The following KIAA0319 variants were observed in gnomAD, a reference collection of about 807,000 sequenced individuals.
KIAA0319 encodes the protein KIAA0319.
Under a neutral mutation model 108.4 loss-of-function variants are expected in KIAA0319, and 83 were observed. The observed-to-expected ratio is 0.77, with a 90% CI of 0.64 to 0.92. KIAA0319 has a LOEUF of 0.92. KIAA0319 is among the 40% of genes least tolerant of loss of function. The pLI, the probability that KIAA0319 is intolerant of heterozygous loss-of-function variation, is 0.00. For missense variants in KIAA0319, 1,195 were observed against 1,322.4 expected, an observed-to-expected ratio of 0.90 and a Z score of 1.49; for synonymous variants, 484 against 510.4, an observed-to-expected ratio of 0.95 and a Z score of 0.70.
intron 1 of KIAA0319, among the ~76,000 whole-genome samples, chr6:24,631,428 G>A (rs986308634): frequency 2.0e-5 from 3 of 152,222 alleles, no homozygotes; most frequent in African/African-American, 7.2e-5. Flanking sequence ...GGCATGTAGT[G>A]AAGGAGTATA....
chr6:24,565,734 T>C (rs1284533054), intron 14 of KIAA0319, among the ~76,000 whole-genome samples: 3 of 118,118 alleles, frequency 2.5e-5, no homozygotes, highest in Non-Finnish European at 3.2e-5. Context: ...GCCTGGGCGA[T>C]AGAGTGAGAC....
intron 4 of KIAA0319, among the ~76,000 whole-genome samples, chr6:24,584,809 C>A (rs1767196317): frequency 6.6e-6 from 1 of 152,162 alleles, no homozygotes; most frequent in South Asian, 2.1e-4. Flanking sequence ...TTAAACTGTG[C>A]CAGGCATTGC....
intron 1 of KIAA0319, among the ~76,000 whole-genome samples, chr6:24,635,771 A>G (rs867454755): frequency 6.6e-6 from 1 of 152,252 alleles, no homozygotes; most frequent in South Asian, 2.1e-4. Flanking sequence ...CAGAGCCTCC[A>G]GAGGAGACTG....
chr6:24,556,684 G>A lies in KIAA0319; in HGVS notation c.2780C>T (p.Thr927Ile), dbSNP rs370096303. The change falls in exon 18 of 21, where the codon ACA (threonine) becomes ATA (isoleucine). Residue 927 changes from threonine to isoleucine, a missense_variant. Coordinates refer to ENST00000378214, the MANE Select transcript of KIAA0319 (RefSeq NM_014809.4). ...TAAGTGAGAGCAAATGCAGCGCTTTGTGAGGGGGTCGCAGTGACCATGGCC... is the reference window on the plus strand; with the variant it reads ...TAAGTGAGAGCAAATGCAGCGCTTTATGAGGGGGTCGCAGTGACCATGGCC... ...CSGHGHCDPL[T>I]KRCICSHLWM... The A allele has an allele frequency of 1.2e-5, 19 of 1,614,078 alleles. No homozygotes were observed. Among genetic ancestry groups the A allele is most frequent in the Middle Eastern group, 3.3e-4 (2 of 6,060 alleles).
intron 20 of KIAA0319, among the ~76,000 whole-genome samples, chr6:24,550,155 G>A (rs1196479224): frequency 6.6e-6 from 1 of 152,126 alleles, no homozygotes; most frequent in African/African-American, 2.4e-5. Flanking sequence ...CTCTGTACAC[G>A]ATCAGTCATT....
At chr6:24,615,596 T>A (rs542272978) in intron 1 of KIAA0319, among the ~76,000 whole-genome samples, 1 of 152,188 alleles carries the variant, frequency 6.6e-6, no homozygotes, top group Non-Finnish European at 1.5e-5. Context: ...CCTATAAATA[T>A]TTTAAGTTAA....
chr6:24,580,486 G>A (rs1489520392), intron 7 of KIAA0319, among the ~76,000 whole-genome samples: 1 of 152,184 alleles, frequency 6.6e-6, no homozygotes, highest in Non-Finnish European at 1.5e-5. Flanking sequence ...AGCCAGGGCT[G>A]TGCCCACCCA....
chr6:24,617,853 G>A (rs976429023), intron 1 of KIAA0319, among the ~76,000 whole-genome samples: 1 of 152,092 alleles, frequency 6.6e-6, no homozygotes, highest in Non-Finnish European at 1.5e-5. Context: ...CAGATGTGGT[G>A]GCGCACACCT....
At chr6:24,553,316 C>T (rs200923298) in intron 19 of KIAA0319, among the ~76,000 whole-genome samples, 28 of 113,866 alleles carry the variant, frequency 2.5e-4, no homozygotes, top group Non-Finnish European at 4.6e-4. Context: ...CACACACACA[C>T]ACACACACAC....
chr6:24,601,151 G>A lies in KIAA0319; in HGVS notation c.-48C>T. The A allele has an allele frequency of 6.2e-7, 1 of 1,607,454 alleles. No individual in the cohort carries two copies. Among genetic ancestry groups the A allele is most frequent in the Non-Finnish European group, 8.5e-7 (1 of 1,176,776 alleles). On this transcript the variant is annotated 5_prime_UTR_variant, in exon 2 of 21. Transcript: ENST00000378214. ...GGCAGGCTTCTGAGGCGGCCCTGAA[G>A]AGAGTTTGGTGCAAGCTTCCTTTGA... is the stretch of plus-strand genomic sequence containing the variant.
intron 10 of KIAA0319, among the ~76,000 whole-genome samples, chr6:24,574,498 T>G (rs1461462825): frequency 6.6e-6 from 1 of 152,192 alleles, no homozygotes; most frequent in African/African-American, 2.4e-5. Context: ...TACAAAGTCA[T>G]TTTTTCAACT....
At chr6:24,639,287 A>G (rs1776612651) in intron 1 of KIAA0319, among the ~76,000 whole-genome samples, 1 of 152,230 alleles carries the variant, frequency 6.6e-6, no homozygotes, top group Non-Finnish European at 1.5e-5. Flanking sequence ...CGAAAGACAG[A>G]TAATCTTAAA....
chr6:24,611,454 G>A (rs576174651), intron 1 of KIAA0319, among the ~76,000 whole-genome samples: 34 of 152,150 alleles, frequency 2.2e-4, no homozygotes, highest in African/African-American at 4.1e-4. Flanking sequence ...AGCTGAGATC[G>A]TGCCACTGCA....
intron 1 of KIAA0319, among the ~76,000 whole-genome samples, chr6:24,621,290 A>C (rs1773894784): frequency 1.3e-5 from 2 of 152,164 alleles, no homozygotes; most frequent in Non-Finnish European, 2.9e-5. Flanking sequence ...ATGGTTCTCT[A>C]CTCATAGTTC....
At chr6:24,608,117 C>T (rs2127546782) in intron 1 of KIAA0319, among the ~76,000 whole-genome samples, 1 of 152,072 alleles carries the variant, frequency 6.6e-6, no homozygotes, top group African/African-American at 2.4e-5. Flanking sequence ...ACTATAGCAA[C>T]AGCAACAGAC....
intron 2 of KIAA0319, among the ~76,000 whole-genome samples, chr6:24,597,428 G>A (rs956666136): frequency 3.3e-5 from 5 of 152,190 alleles, no homozygotes; most frequent in Non-Finnish European, 5.9e-5. Context: ...CCTCTGGAGT[G>A]CACCGTTCCT....
chr6:24,607,783 T>G (rs1309230910), intron 1 of KIAA0319, among the ~76,000 whole-genome samples: 13 of 152,222 alleles, frequency 8.5e-5, no homozygotes, highest in Admixed American at 8.5e-4. Flanking sequence ...CAATTTTAGT[T>G]AAAAAATGAA....
chr6:24,591,069 C>T (rs1768393693), intron 3 of KIAA0319, among the ~76,000 whole-genome samples: 1 of 152,142 alleles, frequency 6.6e-6, no homozygotes. Context: ...TAGTCTTGTC[C>T]ACAGGAAAAC....
In KIAA0319 at chr6:24,556,725, G is replaced by A. The variant is rs1438636736; in HGVS notation, c.2739C>T (p.Cys913=). The A allele has an allele frequency of 1.2e-6, 2 of 1,613,184 alleles. No homozygotes were observed. The highest frequency in any genetic ancestry group is 1.3e-5 in the African/African-American group (1 of 75,026). Reference sequence around the variant, plus strand: ...GACCATGGCCAGAACACTTCAGAAGGCAACCTGCAAAGAGGTGTGTAGGGC... The same window carrying A: ...GACCATGGCCAGAACACTTCAGAAGACAACCTGCAAAGAGGTGTGTAGGGC... The part of the protein sequence containing the change: ...FKVLRVDTAG[C]LLKCSGHGHC... The change falls in exon 18 of 21, where the codon TGC becomes TGT. Residue 913 remains cysteine, a synonymous_variant. Coordinates refer to ENST00000378214, the MANE Select transcript of KIAA0319 (RefSeq NM_014809.4).
Sources: allele counts gnomAD v4.1 joint callset (sites outside exome capture counted in the v4.1 genomes callset), GRCh38; gene constraint gnomAD v4.1.1; transcripts MANE v1.5; gene names NCBI Gene and HGNC (gene_info 2026-07-23, HGNC 2026-07-21).